PHACTR1: variants seen among roughly 807,000 people sequenced by gnomAD.
PHACTR1 encodes the protein phosphatase and actin regulator 1.
PHACTR1 carries 16 observed loss-of-function variants against 69.2 expected under a neutral mutation model. The ratio of observed to expected loss-of-function variants is 0.23; its 90% confidence interval spans 0.16 to 0.35. The LOEUF is 0.35. PHACTR1 is among the 10% of genes least tolerant of loss of function. The pLI is 1.00. For synonymous variants in PHACTR1, 312 were observed against 284.5 expected (o/e 1.10, Z -0.97); for missense variants, 510 against 734.7 (o/e 0.69, Z 3.54).
At chr6:12,734,319 C>T (rs1763956904) in intron 3 of PHACTR1, among the ~76,000 whole-genome samples, 1 of 152,152 alleles carries the variant, frequency 6.6e-6, no homozygotes, top group African/African-American at 2.4e-5. Context: ...AATTTCTCAG[C>T]CACAGTCTTG....
intron 4 of PHACTR1, among the ~76,000 whole-genome samples, chr6:12,862,025 A>G (rs1463386145): frequency 6.6e-6 from 1 of 152,200 alleles, no homozygotes; most frequent in African/African-American, 2.4e-5. Flanking sequence ...AATAATTTAT[A>G]TGTTAGTGGA....
chr6:13,101,775 A>C (rs1029583429), intron 5 of PHACTR1, among the ~76,000 whole-genome samples: 1 of 152,188 alleles, frequency 6.6e-6, no homozygotes, highest in Non-Finnish European at 1.5e-5. Context: ...CTGAAAAGAC[A>C]AAGAGGAGCT....
chr6:12,846,258 T>C (rs1427196563), intron 4 of PHACTR1, among the ~76,000 whole-genome samples: 1 of 152,216 alleles, frequency 6.6e-6, no homozygotes, highest in Non-Finnish European at 1.5e-5. Flanking sequence ...TATCAATGAA[T>C]GGATTGATAA....
chr6:13,004,033 A>T (rs1378145879), intron 4 of PHACTR1, among the ~76,000 whole-genome samples: 1 of 143,110 alleles, frequency 7.0e-6, no homozygotes, highest in African/African-American at 2.7e-5. Context: ...ATGAACATTT[A>T]GGTTGATTCC....
In PHACTR1 at chr6:13,211,978, C is replaced by T. The variant is rs1150618; in HGVS notation, c.986+5842C>T. 6.1e-3 allele frequency among the ~76,000 whole-genome samples: 936 copies of T among 152,268 alleles called. 12 individuals are homozygous for T. The highest frequency in any genetic ancestry group is 0.021 in the African/African-American group (882 of 41,542). ...AAATTTATTGTCTTTCAGTTCTGGA[C>T]GCTAGAAGTCCGAGATCAAGGTGCC... On this transcript the variant is annotated intron_variant, in intron 8 of 14. Coordinates refer to ENST00000332995, the MANE Select transcript of PHACTR1 (RefSeq NM_030948.6).
intron 4 of PHACTR1, among the ~76,000 whole-genome samples, chr6:12,802,478 A>C (rs966862268): frequency 1.3e-5 from 2 of 152,170 alleles, no homozygotes. Context: ...TGTATATACA[A>C]GTATCAGAAG....
At chr6:12,926,607 C>G (rs189894849) in intron 4 of PHACTR1, among the ~76,000 whole-genome samples, 2 of 151,654 alleles carry the variant, frequency 1.3e-5, no homozygotes, top group East Asian at 3.9e-4. Flanking sequence ...ATCCTTGTCC[C>G]CATAGAAAGC....
At chr6:12,889,976 A>G (rs1019646797) in intron 4 of PHACTR1, among the ~76,000 whole-genome samples, 1 of 151,710 alleles carries the variant, frequency 6.6e-6, no homozygotes, top group Non-Finnish European at 1.5e-5. Flanking sequence ...TGGTCCACTA[A>G]CACAGGGGTC....
chr6:13,141,681 TTCTC>T (rs1822469937), intron 5 of PHACTR1, among the ~76,000 whole-genome samples: 1 of 151,858 alleles, frequency 6.6e-6, no homozygotes, highest in African/African-American at 2.4e-5. Context: ...TAGACCTTTC[TTCTC>T]TATTTTCTTT....
At chr6:13,252,196 C>T (rs1031792893) in intron 10 of PHACTR1, among the ~76,000 whole-genome samples, 2 of 142,552 alleles carry the variant, frequency 1.4e-5, no homozygotes, top group Non-Finnish European at 3.0e-5. Context: ...AGCAACATGG[C>T]AAACCCCTGC....
In PHACTR1 at chr6:13,179,039, G is replaced by C. The variant is rs1056568676; in HGVS notation, c.497-3480G>C. ...TCACTTGAGTCAAGGAGTTCCACAT[G>C]AGGCTGGGCAACATGGCAAAACCCT... On this transcript the variant is annotated intron_variant, in intron 6 of 14. Transcript: ENST00000332995. This position sits in a 1 kb window ranked among gnomAD's most constrained non-coding sequence, Gnocchi z 4.2. 2.0e-5 allele frequency among the ~76,000 whole-genome samples: 3 copies of C among 152,136 alleles called. No individual in the cohort carries two copies. The highest frequency in any genetic ancestry group is 7.2e-5 in the African/African-American group (3 of 41,436).
At chr6:12,961,016 T>G (rs1792649828) in intron 4 of PHACTR1, among the ~76,000 whole-genome samples, 1 of 152,164 alleles carries the variant, frequency 6.6e-6, no homozygotes. Flanking sequence ...GCCCTTAAGT[T>G]TGGCATTCCA....
chr6:13,136,056 C>T (rs957278552), intron 5 of PHACTR1, among the ~76,000 whole-genome samples: 22 of 152,114 alleles, frequency 1.4e-4, no homozygotes, highest in Non-Finnish European at 1.3e-4. Context: ...ATTATAGCTG[C>T]CACTTTTAAC....
intron 4 of PHACTR1, among the ~76,000 whole-genome samples, chr6:13,006,433 A>G (rs1326908572): frequency 6.6e-6 from 1 of 152,174 alleles, no homozygotes; most frequent in Non-Finnish European, 1.5e-5. Context: ...TCAGAGTTCT[A>G]CTTGGCCAAA....
chr6:12,984,715 G>C (rs538568478), intron 4 of PHACTR1, among the ~76,000 whole-genome samples: 27 of 152,220 alleles, frequency 1.8e-4, no homozygotes, highest in African/African-American at 6.0e-4. Context: ...AATAATTTTG[G>C]GATCATTACT....
In PHACTR1 at chr6:13,193,357, G is replaced by GTGTATATATATATATATA. The variant is rs536184609; in HGVS notation, c.664+10672_664+10673insGTATATATATATATATAT. Among the ~76,000 whole-genome samples, 40 of 68,192 alleles carry GTGTATATATATATATATA rather than the reference G, an allele frequency of 5.9e-4. 2 individuals are homozygous for GTGTATATATATATATATA. Among genetic ancestry groups the GTGTATATATATATATATA allele is most frequent in the African/African-American group, 9.7e-4 (23 of 23,776 alleles). The allele number at this position is 68,192 out of a possible 152,430, so 44.7% of individuals were successfully genotyped here. A position where few individuals can be genotyped will look rare whatever the true frequency, so the allele number is the denominator to read the frequency against. On this transcript the variant is annotated intron_variant, in intron 7 of 14. Transcript: ENST00000332995. ...ATTCTACCTCTTAATAGCTCTCTGT[G>GTGTATATATATATATATA]TATATATATATATATATATATATAT...
At chr6:13,040,298 C>T (rs945923176) in intron 4 of PHACTR1, among the ~76,000 whole-genome samples, 1 of 152,090 alleles carries the variant, frequency 6.6e-6, no homozygotes, top group African/African-American at 2.4e-5. Flanking sequence ...TGTGCCTGCC[C>T]TTTTTTCTTT....
At chr6:13,177,888 G>A (rs1037088678) in intron 6 of PHACTR1, among the ~76,000 whole-genome samples, 6 of 152,162 alleles carry the variant, frequency 3.9e-5, no homozygotes, top group Admixed American at 6.5e-5. Context: ...GGTCATTGTC[G>A]GGGGTTGGAG....
At chr6:12,752,530 C>T (rs992159794) in intron 4 of PHACTR1, among the ~76,000 whole-genome samples, 4 of 152,150 alleles carry the variant, frequency 2.6e-5, no homozygotes, top group Admixed American at 2.6e-4. Context: ...TTTCCCACAC[C>T]AGTAATTATA....
Sources: gnomAD v4.1 joint callset for allele counts (sites outside exome capture counted in the v4.1 genomes callset) on GRCh38, gnomAD v4.1.1 for gene constraint, Gnocchi (gnomAD v3.1) non-coding constraint, MANE v1.5 for transcripts, NCBI Gene and HGNC (gene_info 2026-07-23, HGNC 2026-07-21) for gene names.